Variants in RSL24D1 observed in about 807,000 individuals in gnomAD.
RSL24D1 encodes probable ribosome biogenesis protein RLP24.
A neutral mutation model predicts 26.2 loss-of-function variants in RSL24D1; 6 were observed. The ratio of observed to expected loss-of-function variants is 0.23; its 90% CI spans 0.13 to 0.45. RSL24D1 has a LOEUF of 0.45. Ranked by LOEUF, RSL24D1 falls within the 20% of genes least tolerant of loss-of-function variation. The pLI, the probability that RSL24D1 is intolerant of heterozygous loss-of-function variation, is 0.99. For synonymous variants in RSL24D1, 61 were observed against 59.1 expected (o/e 1.03, Z -0.15); for missense variants, 176 against 202.6 (o/e 0.87, Z 0.80).
chr15:55,182,080 A>G lies in RSL24D1; in HGVS notation c.*72T>C. On this transcript the variant is annotated 3_prime_UTR_variant, in exon 6 of 6. Transcript: ENST00000260443. Reference sequence around the variant, plus strand: ...TTTAAGTGACCTTATGTAAAAAATAAAATAATTTAGCAGTTCCAAGTATCC... The same window carrying G: ...TTTAAGTGACCTTATGTAAAAAATAGAATAATTTAGCAGTTCCAAGTATCC... The G allele has an allele frequency of 1.1e-6, 1 of 897,378 alleles. No homozygotes were observed. Among genetic ancestry groups the G allele is most frequent in the South Asian group, 1.5e-5 (1 of 68,326 alleles). 55.6% of individuals were successfully genotyped at this position (897,378 alleles called of 1,614,324 possible).
intron 1 of RSL24D1, among the ~76,000 whole-genome samples, chr15:55,195,981 A>G (rs1258569477): frequency 6.6e-6 from 1 of 152,246 alleles, no homozygotes; most frequent in Non-Finnish European, 1.5e-5. Context: ...CCAGTAATTC[A>G]GAAGCAAACG....
In RSL24D1 at chr15:55,185,315, C is replaced by G. The variant is rs750035154; in HGVS notation, c.332+47G>C. 2.1e-6 allele frequency: 3 copies of G among 1,408,432 alleles called. No individual in the cohort carries two copies. The South Asian group carries it at 4.0e-5, about 19-fold the overall frequency. The allele number at this position is 1,408,432 out of a possible 1,614,324, so 87.2% of individuals were successfully genotyped here. ...AAAAAATACTAATGCCTCTAAATAT[C>G]TACTAGTAATTATTTTCCAAAAGTT... On this transcript the variant is annotated intron_variant, in intron 4 of 5. Coordinates refer to ENST00000260443, the MANE Select transcript of RSL24D1 (RefSeq NM_016304.3).
At chr15:55,186,667 T>G (rs748566632) in intron 3 of RSL24D1, among the ~76,000 whole-genome samples, 1 of 152,174 alleles carries the variant, frequency 6.6e-6, no homozygotes. Context: ...AGACATGACA[T>G]GTACTATTCT....
intron 3 of RSL24D1, among the ~76,000 whole-genome samples, chr15:55,188,091 A>G (rs933513195): frequency 9.9e-5 from 15 of 152,222 alleles, no homozygotes; most frequent in African/African-American, 3.1e-4. Context: ...TGTTTAATCC[A>G]TATCCTCACA....
intron 2 of RSL24D1, among the ~76,000 whole-genome samples, chr15:55,192,240 AAT>A (rs1487165501): frequency 5.3e-5 from 8 of 152,146 alleles, no homozygotes; most frequent in African/African-American, 1.9e-4. Flanking sequence ...TTATCAATTC[AAT>A]ATAACAATAT....
At chr15:55,183,506 A>T in intron 4 of RSL24D1, 106 bp from the exon 5 acceptor site, 1 of 738,828 alleles carries the variant, frequency 1.4e-6, no homozygotes, top group Non-Finnish European at 2.3e-6. Context: ...TTAGCCCCAC[A>T]GATGGGGAAT....
intron 3 of RSL24D1, 114 bp downstream of exon 3, chr15:55,190,861 C>A: frequency 2.8e-6 from 2 of 708,840 alleles, no homozygotes; most frequent in South Asian, 3.5e-5. Context: ...TAATAAAAGC[C>A]AAGGAATGAT....
rs1462183225 is a variant in RSL24D1, at chr15:55,185,387, G to A, written c.307C>T (p.Arg103Cys). 3 of 1,607,326 alleles carry A rather than the reference G, an allele frequency of 1.9e-6. No homozygotes were observed. Among genetic ancestry groups the A allele is most frequent in the East Asian group, 2.2e-5 (1 of 44,492 alleles). ...CTGTTCATTATAAATTTAGCTTGGC[G>A]CTTCTGTTTGATTTCTTCAACTCTC... Reference protein sequence around the residue: ...MKRVEEIKQKRQAKFIMNRLK... With the variant: ...MKRVEEIKQKCQAKFIMNRLK... The change falls in exon 4 of 6, where the codon CGC (arginine) becomes TGC (cysteine). Residue 103 changes from arginine to cysteine, a missense_variant. Transcript: ENST00000260443.
intron 1 of RSL24D1, chr15:55,195,656 G>C (rs1314370312): frequency 6.6e-6 from 1 of 152,206 alleles, no homozygotes; most frequent in East Asian, 1.9e-4. Flanking sequence ...CTCTGAATTA[G>C]ACCCCAACCT....
chr15:55,190,024 G>A (rs1894275398), intron 3 of RSL24D1, among the ~76,000 whole-genome samples: 1 of 152,162 alleles, frequency 6.6e-6, no homozygotes, highest in African/African-American at 2.4e-5. Flanking sequence ...AAGGTGGGAG[G>A]ATCACTTGAG....
chr15:55,181,049 C>T lies in RSL24D1; in HGVS notation c.*1103G>A, dbSNP rs1894160617. 6.6e-6 allele frequency: 1 copy of T among 152,072 alleles called. No individual in the cohort carries two copies. The highest frequency in any genetic ancestry group is 1.5e-5 in the Non-Finnish European group (1 of 68,016). The allele number at this position is 152,072 out of a possible 1,614,324, so 9.4% of individuals were successfully genotyped here. ...TACTGAAACAAAAAATGAGCCATTA[C>T]TTTATAATTATGTAAGGCTAAGAAT... On this transcript the variant is annotated 3_prime_UTR_variant, in exon 6 of 6. Coordinates refer to ENST00000260443, the MANE Select transcript of RSL24D1 (RefSeq NM_016304.3).
chr15:55,182,071 TA>T lies in RSL24D1; in HGVS notation c.*80del. Reference sequence around the variant, plus strand: ...CGCTTTTCATTTAAGTGACCTTATGTAAAAAATAAAATAATTTAGCAGTTCC... The same window carrying T: ...CGCTTTTCATTTAAGTGACCTTATGTAAAAATAAAATAATTTAGCAGTTCC... On this transcript the variant is annotated 3_prime_UTR_variant, in exon 6 of 6. Transcript: ENST00000260443. The T allele has an allele frequency of 1.2e-6, 1 of 833,048 alleles. No homozygotes were observed. The highest frequency in any genetic ancestry group is 2.0e-6 in the Non-Finnish European group (1 of 500,870). The allele number at this position is 833,048 out of a possible 1,614,324, so 51.6% of individuals were successfully genotyped here.
At chr15:55,185,597 C>T (rs997297736) in intron 3 of RSL24D1, among the ~76,000 whole-genome samples, 172 bp from the exon 4 acceptor site, 1 of 152,120 alleles carries the variant, frequency 6.6e-6, no homozygotes, top group Non-Finnish European at 1.5e-5. Flanking sequence ...TACTCCTGGC[C>T]ATCATGACTC....
chr15:55,192,695 T>C, intron 2 of RSL24D1, 25 bp downstream of exon 2: 1 of 1,521,010 alleles, frequency 6.6e-7, no homozygotes, highest in South Asian at 1.1e-5. Flanking sequence ...GTGTAAAAAC[T>C]ATATTGATAG....
At chr15:55,196,700 G>T in intron 1 of RSL24D1, 110 bp downstream of exon 1, 1 of 1,021,092 alleles carries the variant, frequency 9.8e-7, no homozygotes. Context: ...GGGAACAACG[G>T]GAGGAACCCG....
intron 5 of RSL24D1, among the ~76,000 whole-genome samples, 164 bp from the exon 6 acceptor site, chr15:55,182,389 A>C (rs1371832376): frequency 6.6e-6 from 1 of 152,254 alleles, no homozygotes; most frequent in African/African-American, 2.4e-5. Flanking sequence ...TATGCCATGC[A>C]TCAAATAAAC....
intron 5 of RSL24D1, among the ~76,000 whole-genome samples, chr15:55,182,860 G>A (rs1489880121): frequency 6.6e-6 from 1 of 152,140 alleles, no homozygotes; most frequent in Non-Finnish European, 1.5e-5. Context: ...TGTTAGCTGA[G>A]CAAAAGAAAC....
chr15:55,196,827 C>T lies in RSL24D1; in HGVS notation c.64G>A (p.Val22Ile), dbSNP rs1262414457. The T allele has an allele frequency of 6.2e-7, 1 of 1,614,020 alleles. No homozygotes were observed. Among genetic ancestry groups the T allele is most frequent in the African/African-American group, 1.3e-5 (1 of 74,906 alleles). The change falls in exon 1 of 6, where the codon GTC (valine) becomes ATC (isoleucine). Residue 22 changes from valine to isoleucine, a missense_variant. Transcript: ENST00000260443. ...CGCCTTACCTTGCAATCGTTGCGGA[C>T]GAACATCATGCCGTGTCCAGGATAG... is the stretch of plus-strand genomic sequence containing the variant. ...PIYPGHGMMFVRNDCKVFRFC... is the reference protein window; with the variant it reads ...PIYPGHGMMFIRNDCKVFRFC...
chr15:55,190,890 T>C, intron 3 of RSL24D1, 85 bp downstream of exon 3: 1 of 867,168 alleles, frequency 1.2e-6, no homozygotes, highest in Admixed American at 2.6e-5. Context: ...AATTCAATAT[T>C]TAAACAACAA....
Sources: gnomAD v4.1 joint callset for allele counts (sites outside exome capture counted in the v4.1 genomes callset) on GRCh38, gnomAD v4.1.1 for gene constraint, MANE v1.5 for transcripts, NCBI Gene and HGNC (gene_info 2026-07-23, HGNC 2026-07-21) for gene names.